Variants in ZSCAN32 observed in about 807,000 individuals in gnomAD.
ZSCAN32 encodes the protein zinc finger and SCAN domain containing 32.
In ZSCAN32, 52 loss-of-function variants were observed where a neutral mutation model predicts 47.4. The observed-to-expected ratio is 1.10, with a 90% CI of 0.88 to 1.38. The LOEUF (loss-of-function observed/expected upper bound fraction) is 1.38, where lower values mean the gene tolerates loss of function less well. ZSCAN32 is among the 40% of genes most tolerant of loss of function. The pLI, the probability that ZSCAN32 is intolerant of heterozygous loss-of-function variation, is 0.00. For missense variants in ZSCAN32, 959 were observed against 846.0 expected, an observed-to-expected ratio of 1.13 and a Z score of -1.66; for synonymous variants, 346 against 305.7, an observed-to-expected ratio of 1.13 and a Z score of -1.38.
intron 5 of ZSCAN32, among the ~76,000 whole-genome samples, chr16:3,386,251 A>G (rs1413014607): frequency 6.6e-6 from 1 of 152,220 alleles, no homozygotes; most frequent in Non-Finnish European, 1.5e-5. Context: ...ATACCATCTC[A>G]CACCAGTTAG....
rs116370748 is a variant in ZSCAN32 at position 3,394,237 on chromosome 16, G to A, written c.367-423C>T. Reference sequence around the variant, plus strand: ...TCCAAGATCACGCCACTGCACTCCAGCGTGGACAACACAGCAAGACTCTGT... The same window carrying A: ...TCCAAGATCACGCCACTGCACTCCAACGTGGACAACACAGCAAGACTCTGT... On this transcript the variant is annotated intron_variant, in intron 2 of 6. Coordinates refer to ENST00000396852, the MANE Select transcript of ZSCAN32 (RefSeq NM_001284527.2). 4.3e-3 allele frequency among the ~76,000 whole-genome samples: 659 copies of A among 152,302 alleles called. 6 individuals are homozygous for A. The highest frequency in any genetic ancestry group is 0.015 in the African/African-American group (625 of 41,578).
intron 5 of ZSCAN32, among the ~76,000 whole-genome samples, chr16:3,386,211 CA>C (rs1232157611): frequency 6.6e-6 from 1 of 152,180 alleles, no homozygotes; most frequent in African/African-American, 2.4e-5. Context: ...CACTGGCCAT[CA>C]GAGAAATGCA....
intron 3 of ZSCAN32, among the ~76,000 whole-genome samples, chr16:3,393,448 A>C (rs1270279212): frequency 6.7e-6 from 1 of 148,622 alleles, no homozygotes; most frequent in Non-Finnish European, 1.5e-5. Flanking sequence ...CTGGTCTCGA[A>C]CTCCTGACCT....
chr16:3,386,957 A>T (rs1274520870), intron 5 of ZSCAN32, among the ~76,000 whole-genome samples: 1 of 127,192 alleles, frequency 7.9e-6, no homozygotes, highest in Non-Finnish European at 1.7e-5. Context: ...AAAAAAAAAA[A>T]GTTACATCCT....
At position 3,400,959 on chromosome 16, in the gene ZSCAN32, C is replaced by G. The variant is rs931291704; in HGVS notation, c.-202G>C. 5.9e-5 allele frequency: 9 copies of G among 152,568 alleles called. No individual in the cohort carries two copies. The highest frequency in any genetic ancestry group is 1.7e-4 in the African/African-American group (7 of 41,472). 9.5% of individuals were successfully genotyped at this position (152,568 alleles called of 1,614,324 possible). ...GGAGAACTCACCGGACACCAGCACTCGCGACTCCACAAACTCCCTCAGCCT... is the reference window on the plus strand; with the variant it reads ...GGAGAACTCACCGGACACCAGCACTGGCGACTCCACAAACTCCCTCAGCCT... On this transcript the variant is annotated 5_prime_UTR_variant, in exon 1 of 7. Transcript: ENST00000396852.
rs117097018 is a variant in ZSCAN32, at chr16:3,398,657, G to A, written c.-187-913C>T. 4.2e-4 allele frequency among the ~76,000 whole-genome samples: 64 copies of A among 152,212 alleles called. No homozygotes were observed. In the East Asian group the frequency reaches 0.012, roughly 28 times the overall value. On this transcript the variant is annotated intron_variant, in intron 1 of 6. Transcript: ENST00000396852. ...ACGAATTACTCAAACTGTTCCTGACGATATAGTTCACCTGTTCCTTCCCTT... is the reference window on the plus strand; with the variant it reads ...ACGAATTACTCAAACTGTTCCTGACAATATAGTTCACCTGTTCCTTCCCTT...
chr16:3,384,226 C>T, intron 6 of ZSCAN32: 1 of 611,768 alleles, frequency 1.6e-6, no homozygotes, highest in Non-Finnish European at 2.8e-6. Flanking sequence ...AGTGAAACTC[C>T]ATGGGAAAAG....
intron 2 of ZSCAN32, among the ~76,000 whole-genome samples, chr16:3,394,724 C>G (rs892240327): frequency 3.3e-5 from 5 of 152,204 alleles, no homozygotes; most frequent in African/African-American, 1.2e-4. Flanking sequence ...TCTGCCCGGC[C>G]TCCTCCCTTT....
In ZSCAN32 at chr16:3,393,787, C is replaced by T; in HGVS notation, c.394G>A (p.Val132Ile). 1 of 1,549,696 alleles carries T rather than the reference C, an allele frequency of 6.5e-7. No individual in the cohort carries two copies. Among genetic ancestry groups the T allele is most frequent in the African/African-American group, 1.4e-5 (1 of 73,126 alleles). ...AAAGGGGCCATCTCCTTCATGAGTA[C>T]TTTCAAGTCCTTCTCAGAATCTAGA... ...QVLDSEKDLKVLMKEMAPLGA... is the reference protein window; with the variant it reads ...QVLDSEKDLKILMKEMAPLGA... The change falls in exon 3 of 7, where the codon GTA becomes ATA. Residue 132 changes from valine to isoleucine, a missense_variant. Coordinates refer to ENST00000396852, the MANE Select transcript of ZSCAN32 (RefSeq NM_001284527.2).
At chr16:3,386,541 C>T (rs1054386979) in intron 5 of ZSCAN32, among the ~76,000 whole-genome samples, 2 of 152,104 alleles carry the variant, frequency 1.3e-5, no homozygotes, top group African/African-American at 4.8e-5. Flanking sequence ...GGAACCAAGC[C>T]AAATGTCCAA....
chr16:3,383,710 A>C lies in ZSCAN32; in HGVS notation c.1236T>G (p.Gly412=), dbSNP rs2031558055. Reference sequence around the variant, plus strand: ...TTTTAATCTCGTTCTTGAACTCAAAACCTGAAAAAAAAAAACCCCACAGAA... The same window carrying C: ...TTTTAATCTCGTTCTTGAACTCAAACCCTGAAAAAAAAAAACCCCACAGAA... The part of the protein sequence containing the change: ...DLPVLFPNRL[G]FEFKNEIKKE... The change falls in exon 7 of 7, where the codon GGT becomes GGG. Residue 412 remains glycine (G), a splice_region_variant and synonymous_variant. Coordinates refer to ENST00000396852, the MANE Select transcript of ZSCAN32 (RefSeq NM_001284527.2). The C allele has an allele frequency of 1.3e-6, 2 of 1,566,692 alleles. No homozygotes were observed. The highest frequency in any genetic ancestry group is 2.0e-5 in the Admixed American group (1 of 49,710).
At chr16:3,400,054 A>G (rs1212354618) in intron 1 of ZSCAN32, among the ~76,000 whole-genome samples, 1 of 152,198 alleles carries the variant, frequency 6.6e-6, no homozygotes, top group Non-Finnish European at 1.5e-5. Flanking sequence ...AGATGAATAT[A>G]CTCAGGACTA....
At chr16:3,386,938 T>TA (rs34104039) in intron 5 of ZSCAN32, among the ~76,000 whole-genome samples, 24 of 141,222 alleles carry the variant, frequency 1.7e-4, no homozygotes, top group East Asian at 1.0e-3. Context: ...GCTTAAAGTA[T>TA]AAAAAAAAAA....
chr16:3,390,231 G>A, intron 4 of ZSCAN32, 98 bp from the exon 5 acceptor site: 1 of 1,477,926 alleles, frequency 6.8e-7, no homozygotes, highest in Non-Finnish European at 9.0e-7. Flanking sequence ...TCAGGGGCAA[G>A]GCAAAGGCAG....
chr16:3,383,459 T>C lies in ZSCAN32; in HGVS notation c.1487A>G (p.His496Arg). The C allele has an allele frequency of 1.2e-6, 2 of 1,614,154 alleles. No individual in the cohort carries two copies. The highest frequency in any genetic ancestry group is 1.7e-6 in the Non-Finnish European group (2 of 1,180,002). ...SFCARDKACT[H>R]ILCGKNCSQS... ...AGAGCAGTTTTTCCCACAGAGGATA[T>C]GTGTACAGGCTTTGTCCCTGGCACA... Residue 496 changes from histidine (H) to arginine (R), a missense_variant, in exon 7 of 7, where the codon CAT (histidine) becomes CGT (arginine). His to Arg is a conservative substitution (Grantham distance 29). Transcript: ENST00000396852.
chr16:3,397,021 A>T (rs2033429815), intron 2 of ZSCAN32, among the ~76,000 whole-genome samples, 171 bp downstream of exon 2: 1 of 152,218 alleles, frequency 6.6e-6, no homozygotes, highest in Non-Finnish European at 1.5e-5. Context: ...GTATCCACAG[A>T]TGAGAAATTC....
chr16:3,385,453 T>C (rs1162220718), intron 5 of ZSCAN32, among the ~76,000 whole-genome samples: 6 of 152,118 alleles, frequency 3.9e-5, no homozygotes, highest in Non-Finnish European at 7.4e-5. Context: ...CTTTAAAGTT[T>C]ATATGGAACC....
At chr16:3,395,969 A>G (rs965026820) in intron 2 of ZSCAN32, among the ~76,000 whole-genome samples, 2 of 152,190 alleles carry the variant, frequency 1.3e-5, no homozygotes, top group Non-Finnish European at 2.9e-5. Context: ...CTGCACTCCA[A>G]CCTAAGTGAC....
rs866857707 is a variant in ZSCAN32, at chr16:3,393,213, T to A, written c.532+436A>T. Among the ~76,000 whole-genome samples the A allele has an allele frequency of 1.3e-4, 3 of 23,536 alleles. 1 individual carries two copies. In the Admixed American group the frequency reaches 1.6e-3, roughly 13 times the overall value. The allele number at this position is 23,536 out of a possible 152,430, so 15.4% of individuals were successfully genotyped here. On this transcript the variant is annotated intron_variant, in intron 3 of 6. Transcript: ENST00000396852. ...ATTTATATATATATTTATATTTATATATATATATATATATAAATTTATATA... is the reference window on the plus strand; with the variant it reads ...ATTTATATATATATTTATATTTATAAATATATATATATATAAATTTATATA...
Sources: allele counts gnomAD v4.1 joint callset (sites outside exome capture counted in the v4.1 genomes callset), GRCh38; gene constraint gnomAD v4.1.1; transcripts MANE v1.5; gene names NCBI Gene and HGNC (gene_info 2026-07-23, HGNC 2026-07-21).